PAX7: variants seen among roughly 807,000 people sequenced by gnomAD.
The protein encoded by PAX7 is paired box 7.
A neutral mutation model predicts 50.7 loss-of-function variants in PAX7; 18 were observed. The observed-to-expected ratio is 0.36, with a 90% confidence interval of 0.25 to 0.53. PAX7 has a LOEUF of 0.53. Ranked by LOEUF, PAX7 falls within the 20% of genes least tolerant of loss-of-function variation. The pLI, the probability that PAX7 is intolerant of heterozygous loss-of-function variation, is 0.93. For synonymous variants in PAX7, 310 were observed against 290.4 expected (o/e 1.07, Z -0.69); for missense variants, 644 against 702.9 (o/e 0.92, Z 0.95).
At chr1:18,660,790 G>A (rs2100477804) in intron 4 of PAX7, among the ~76,000 whole-genome samples, 1 of 152,258 alleles carries the variant, frequency 6.6e-6, no homozygotes, top group Middle Eastern at 3.4e-3. Flanking sequence ...GTCCTGGCCT[G>A]TGAGCCAGCG....
At chr1:18,637,309 G>A (rs1172752197) in intron 4 of PAX7, among the ~76,000 whole-genome samples, 1 of 152,068 alleles carries the variant, frequency 6.6e-6, no homozygotes, top group Non-Finnish European at 1.5e-5. Flanking sequence ...AAGTCTCTTT[G>A]AGACTTGGTA....
intron 4 of PAX7, among the ~76,000 whole-genome samples, chr1:18,679,928 G>A (rs1050576095): frequency 2.6e-5 from 4 of 152,172 alleles, no homozygotes; most frequent in Non-Finnish European, 5.9e-5. Context: ...ACACTACATG[G>A]AGGGGCCAAT....
intron 4 of PAX7, among the ~76,000 whole-genome samples, chr1:18,642,788 G>A (rs1284901058): frequency 1.3e-5 from 2 of 152,078 alleles, no homozygotes; most frequent in Non-Finnish European, 2.9e-5. Context: ...AAGGCAGAAC[G>A]GTGACCTAAG....
At chr1:18,681,500 G>A (rs2088899115) in intron 4 of PAX7, among the ~76,000 whole-genome samples, 1 of 152,124 alleles carries the variant, frequency 6.6e-6, no homozygotes, top group African/African-American at 2.4e-5. Flanking sequence ...CAACTACACA[G>A]TACCATTTCC....
In PAX7 at chr1:18,700,544, G is replaced by C; in HGVS notation, c.787-109G>C. The C allele has an allele frequency of 3.9e-6, 4 of 1,016,466 alleles. No homozygotes were observed. Among genetic ancestry groups the C allele is most frequent in the Non-Finnish European group, 5.6e-6 (4 of 720,540 alleles). 63.0% of individuals were successfully genotyped at this position (1,016,466 alleles called of 1,614,324 possible). A position where few individuals can be genotyped will look rare whatever the true frequency, so the allele number is the denominator to read the frequency against. On this transcript the variant is annotated intron_variant, in intron 5 of 8. Coordinates refer to ENST00000420770, the MANE Select transcript of PAX7 (RefSeq NM_001135254.2). The surrounding 1 kb of genome is among the most constrained non-coding windows in gnomAD (Gnocchi z 4.8). ...ACAATGCCGGGGCCTGCAGGAGGAT[G>C]CTGGCTGGATCAGAGGGTGATGGCT...
intron 7 of PAX7, among the ~76,000 whole-genome samples, chr1:18,718,009 C>T (rs565351026): frequency 1.3e-5 from 2 of 152,178 alleles, no homozygotes; most frequent in Non-Finnish European, 2.9e-5. Context: ...TGACCACCCT[C>T]CTTAACAAGC....
At chr1:18,650,571 G>C (rs2088416029) in intron 4 of PAX7, among the ~76,000 whole-genome samples, 1 of 152,194 alleles carries the variant, frequency 6.6e-6, no homozygotes, top group Non-Finnish European at 1.5e-5. Context: ...TACACACCTG[G>C]GTACTTTCTT....
At chr1:18,655,752 C>T (rs2088505652) in intron 4 of PAX7, among the ~76,000 whole-genome samples, 1 of 149,194 alleles carries the variant, frequency 6.7e-6, no homozygotes, top group Non-Finnish European at 1.5e-5. Flanking sequence ...ACTAGAGCCA[C>T]TGGGGAGACT....
chr1:18,635,513 G>GGAAGGAAGGAAGGAAT lies in PAX7; in HGVS notation c.451+288_451+289insTGAAGGAAGGAAGGAA, dbSNP rs2088138519. ...GAGGAAGAAGGAAGGAAGGAAGGTA[G>GGAAGGAAGGAAGGAAT]GAAGGAAGGAAGGAAAGAAGGAAGG... is the stretch of plus-strand genomic sequence containing the variant. On this transcript the variant is annotated intron_variant, in intron 3 of 8. Transcript: ENST00000420770. Among the ~76,000 whole-genome samples, 6 of 148,220 alleles carry GGAAGGAAGGAAGGAAT rather than the reference G, an allele frequency of 4.0e-5. No individual in the cohort carries two copies. The South Asian group carries it at 1.3e-3, about 31-fold the overall frequency.
chr1:18,733,858 T>C (rs1476204677), intron 7 of PAX7, among the ~76,000 whole-genome samples: 3 of 152,196 alleles, frequency 2.0e-5, no homozygotes, highest in Non-Finnish European at 4.4e-5. Flanking sequence ...GCCCTGGGCC[T>C]GCTGTGAGAT....
At chr1:18,635,566 GC>G in intron 3 of PAX7, among the ~76,000 whole-genome samples, 1 of 152,054 alleles carries the variant, frequency 6.6e-6, no homozygotes, top group Non-Finnish European at 1.5e-5. Flanking sequence ...AGGCAGGTGG[GC>G]AGGCAGGAAT....
intron 8 of PAX7, 174 bp downstream of exon 8, chr1:18,736,052 T>C (rs763642174): frequency 1.4e-6 from 2 of 1,382,494 alleles, no homozygotes; most frequent in Non-Finnish European, 2.0e-6. Context: ...TGACACTGAG[T>C]TGGGCAAAAC....
Position 18,672,644 on chromosome 1 carries a change from C to T in PAX7, c.587-19110C>T, listed in dbSNP as rs145537419. ...TGAGACTAAGTCTCGCTCGCTCTGTCGCCCAGGCTGGAGTGCAATGGCGAG... is the reference window on the plus strand; with the variant it reads ...TGAGACTAAGTCTCGCTCGCTCTGTTGCCCAGGCTGGAGTGCAATGGCGAG... On this transcript the variant is annotated intron_variant, in intron 4 of 8. Coordinates refer to ENST00000420770, the MANE Select transcript of PAX7 (RefSeq NM_001135254.2). Among the ~76,000 whole-genome samples the T allele has an allele frequency of 3.2e-3, 449 of 141,896 alleles. 6 individuals carry two copies. The highest frequency in any genetic ancestry group is 0.011 in the African/African-American group (423 of 38,086). The allele number at this position is 141,896 out of a possible 152,430, so 93.1% of individuals were successfully genotyped here. A position where few individuals can be genotyped will look rare whatever the true frequency, so the allele number is the denominator to read the frequency against.
chr1:18,664,400 C>T (rs1222777594), intron 4 of PAX7, among the ~76,000 whole-genome samples: 4 of 152,050 alleles, frequency 2.6e-5, no homozygotes, highest in African/African-American at 4.8e-5. Context: ...GGCCGGGAGG[C>T]GTAACAAATG....
Position 18,634,457 on chromosome 1 carries a change from C to G in PAX7, c.240C>G (p.His80Gln). 1 of 1,614,202 alleles carries G rather than the reference C, an allele frequency of 6.2e-7. No homozygotes were observed. Among genetic ancestry groups the G allele is most frequent in the Non-Finnish European group, 8.5e-7 (1 of 1,180,048 alleles). The part of the protein sequence containing the change: ...CVISRQLRVS[H>Q]GCVSKILCRY... ...TCTCCCGACAGCTGCGTGTCTCCCA[C>G]GGCTGCGTCTCCAAGATTCTTTGCC... Residue 80 changes from histidine (H) to glutamine (Q), a missense_variant, in exon 2 of 9, where the codon CAC becomes CAG. Transcript: ENST00000420770. This position sits in a 1 kb window ranked among gnomAD's most constrained non-coding sequence, Gnocchi z 4.0.
At position 18,735,377 on chromosome 1, in the gene PAX7, A is replaced by G. The variant is rs536175438; in HGVS notation, c.1156-255A>G. 7.2e-5 allele frequency among the ~76,000 whole-genome samples: 11 copies of G among 152,294 alleles called. No individual in the cohort carries two copies. Among genetic ancestry groups the G allele is most frequent in the Admixed American group, 7.2e-4 (11 of 15,304 alleles). On this transcript the variant is annotated intron_variant, in intron 7 of 8. Coordinates refer to ENST00000420770, the MANE Select transcript of PAX7 (RefSeq NM_001135254.2). The surrounding 1 kb of genome is among the most constrained non-coding windows in gnomAD (Gnocchi z 4.0). ...GACCCTGGAGCTAGAGAGGCGAGTAAGGCCCTGCTGAGTTCTCAGTGGAAG... is the reference window on the plus strand; with the variant it reads ...GACCCTGGAGCTAGAGAGGCGAGTAGGGCCCTGCTGAGTTCTCAGTGGAAG...
chr1:18,716,351 G>A (rs2089419694), intron 7 of PAX7, among the ~76,000 whole-genome samples: 1 of 152,086 alleles, frequency 6.6e-6, no homozygotes, highest in Non-Finnish European at 1.5e-5. Flanking sequence ...GCACTTTCTT[G>A]AGAGGGTGGA....
At chr1:18,655,323 T>G (rs933542626) in intron 4 of PAX7, among the ~76,000 whole-genome samples, 4 of 152,186 alleles carry the variant, frequency 2.6e-5, no homozygotes, top group Non-Finnish European at 2.9e-5. Context: ...TGAAGCCACT[T>G]AATTACCATG....
chr1:18,703,881 T>C (rs150106644), intron 7 of PAX7, among the ~76,000 whole-genome samples: 4 of 152,196 alleles, frequency 2.6e-5, no homozygotes. Context: ...AGAGCCATAG[T>C]GTGGCAGAAC....
Sources: gnomAD v4.1 joint callset for allele counts (sites outside exome capture counted in the v4.1 genomes callset) on GRCh38, gnomAD v4.1.1 for gene constraint, Gnocchi (gnomAD v3.1) non-coding constraint, MANE v1.5 for transcripts, NCBI Gene and HGNC (gene_info 2026-07-23, HGNC 2026-07-21) for gene names.